The following ARL15 variants were observed in gnomAD, a reference collection of about 807,000 sequenced individuals.
ARL15 encodes the protein ARF like GTPase 15, also known as ADP-ribosylation factor-like protein 15.
A neutral mutation model predicts 25.2 loss-of-function variants in ARL15; 19 were observed. The ratio of observed to expected loss-of-function variants is 0.75; its 90% CI spans 0.53 to 1.10. The LOEUF (loss-of-function observed/expected upper bound fraction) is 1.10, where lower values mean the gene tolerates loss of function less well. Ranked by LOEUF, ARL15 falls within the 50% of genes least tolerant of loss-of-function variation. The probability of loss-of-function intolerance (pLI) is 0.00; values close to 1 mark genes in which losing one functional copy is unlikely to be tolerated. For synonymous variants in ARL15, 94 were observed against 86.8 expected (o/e 1.08, Z -0.46); for missense variants, 220 against 246.0 (o/e 0.89, Z 0.71).
At chr5:53,968,333 C>T (rs1747632167) in intron 4 of ARL15, among the ~76,000 whole-genome samples, 1 of 152,100 alleles carries the variant, frequency 6.6e-6, no homozygotes, top group African/African-American at 2.4e-5. Context: ...TAAGACCTAA[C>T]ATAAAAGCAC....
intron 4 of ARL15, among the ~76,000 whole-genome samples, chr5:53,920,429 G>A (rs1449625452): frequency 1.3e-5 from 2 of 151,994 alleles, no homozygotes; most frequent in Non-Finnish European, 2.9e-5. Flanking sequence ...ATGGGTTCAG[G>A]ATAATTTGCA....
At chr5:53,941,161 C>A (rs577718392) in intron 4 of ARL15, among the ~76,000 whole-genome samples, 60 of 152,260 alleles carry the variant, frequency 3.9e-4, no homozygotes, top group African/African-American at 1.4e-3. Flanking sequence ...TTTTCTCCTT[C>A]TTCCCCTTTC....
intron 2 of ARL15, among the ~76,000 whole-genome samples, chr5:54,157,443 G>A (rs956098530): frequency 1.4e-4 from 21 of 151,830 alleles, no homozygotes; most frequent in Admixed American, 1.2e-3. Flanking sequence ...ATGGAGTCTC[G>A]CTCTGTCACC....
At chr5:54,253,614 C>G (rs898330400) in intron 1 of ARL15, among the ~76,000 whole-genome samples, 1 of 151,280 alleles carries the variant, frequency 6.6e-6, no homozygotes, top group African/African-American at 2.4e-5. Context: ...TTCTTTGAGA[C>G]AGGGTCTCAC....
At chr5:54,195,953 G>A (rs952633997) in intron 1 of ARL15, among the ~76,000 whole-genome samples, 1 of 152,042 alleles carries the variant, frequency 6.6e-6, no homozygotes, top group African/African-American at 2.4e-5. Flanking sequence ...CCAAATAGCA[G>A]AAAAGCTGTA....
At chr5:53,995,895 A>G (rs1748653392) in intron 4 of ARL15, among the ~76,000 whole-genome samples, 1 of 152,216 alleles carries the variant, frequency 6.6e-6, no homozygotes, top group South Asian at 2.1e-4. Flanking sequence ...CTAGCTTAAA[A>G]CAGAAACAAA....
At chr5:54,308,762 GC>G in intron 1 of ARL15, among the ~76,000 whole-genome samples, 1 of 152,244 alleles carries the variant, frequency 6.6e-6, no homozygotes, top group South Asian at 2.1e-4. Context: ...GATAGGTTTG[GC>G]ACCTCAAAGA....
intron 1 of ARL15, among the ~76,000 whole-genome samples, chr5:54,309,162 A>T (rs115217447): frequency 0.013 from 1,987 of 152,372 alleles, 44 homozygotes; most frequent in African/African-American, 0.045. Flanking sequence ...ACAAAGATAA[A>T]GGAAGTTACT....
chr5:54,293,633 C>A (rs1758392653), intron 1 of ARL15, among the ~76,000 whole-genome samples: 1 of 152,186 alleles, frequency 6.6e-6, no homozygotes, highest in Admixed American at 6.5e-5. Context: ...AGTGCATGAA[C>A]CCCTTTCTGT....
intron 1 of ARL15, among the ~76,000 whole-genome samples, chr5:54,288,077 T>C (rs1758225614): frequency 6.7e-6 from 1 of 150,372 alleles, no homozygotes. Flanking sequence ...CAAGAAACTA[T>C]ACAAAAAAGA....
chr5:54,055,882 C>T (rs182334168), intron 4 of ARL15, among the ~76,000 whole-genome samples: 1 of 152,172 alleles, frequency 6.6e-6, no homozygotes, highest in African/African-American at 2.4e-5. Context: ...TCTCCTCCTC[C>T]ACCCACTAGT....
Position 53,886,457 on chromosome 5 carries a change from TAG to T in ARL15, c.*102_*103del. 8.0e-7 allele frequency: 1 copy of T among 1,255,362 alleles called. No individual in the cohort carries two copies. Among genetic ancestry groups the T allele is most frequent in the Non-Finnish European group, 1.1e-6 (1 of 926,392 alleles). The allele number at this position is 1,255,362 out of a possible 1,614,324, so 77.8% of individuals were successfully genotyped here. A position where few individuals can be genotyped will look rare whatever the true frequency, so the allele number is the denominator to read the frequency against. Reference sequence around the variant, plus strand: ...AGAGTCTGAAATGACCAGAGGAAAATAGATACTGAAGCCAATATAGTCTTGAT... The same window carrying T: ...AGAGTCTGAAATGACCAGAGGAAAATATACTGAAGCCAATATAGTCTTGAT... On this transcript the variant is annotated 3_prime_UTR_variant, in exon 5 of 5. Transcript: ENST00000504924.
Position 54,113,278 on chromosome 5 carries a change from T to C in ARL15, c.386A>G (p.His129Arg). 6.2e-7 allele frequency: 1 copy of C among 1,613,976 alleles called. No homozygotes were observed. Among genetic ancestry groups the C allele is most frequent in the Non-Finnish European group, 8.5e-7 (1 of 1,179,876 alleles). Residue 129 changes from histidine to arginine, a missense_variant, in exon 4 of 5, where the codon CAT becomes CGT. Transcript: ENST00000504924. Reference sequence around the variant, plus strand: ...AAAGGGTAAAGTGCATAACTGTGGATGCTGAAGAGCTGAGTGCAGCTCATT... The same window carrying C: ...AAAGGGTAAAGTGCATAACTGTGGACGCTGAAGAGCTGAGTGCAGCTCATT... ...ARNELHSALQ[H>R]PQLCTLPFLI...
chr5:54,134,568 C>CTTTTTTTTTTTTTTTT (rs5867914), intron 3 of ARL15, among the ~76,000 whole-genome samples: 1 of 51,772 alleles, frequency 1.9e-5, no homozygotes, highest in Non-Finnish European at 3.4e-5. Context: ...GAATGATTAG[C>CTTTTTTTTTTTTTTTT]TTTTTTTTTT....
At chr5:53,928,839 C>T (rs376832091) in intron 4 of ARL15, among the ~76,000 whole-genome samples, 77 of 152,128 alleles carry the variant, frequency 5.1e-4, no homozygotes, top group African/African-American at 1.7e-3. Context: ...AAACTCACTG[C>T]GTTAACCAAT....
chr5:54,301,746 AAGAG>A (rs889374804), intron 1 of ARL15, among the ~76,000 whole-genome samples: 23 of 152,142 alleles, frequency 1.5e-4, no homozygotes, highest in African/African-American at 5.1e-4. Context: ...CCCCAAGAGA[AAGAG>A]AGAGAGAGGC....
At position 54,006,051 on chromosome 5, in the gene ARL15, CAAAAAAAAAA is replaced by C. The variant is rs56094450; in HGVS notation, c.462+107141_462+107150del. ...GGCAACAAGAGTGAAATTACATCTC[CAAAAAAAAAA>C]AAAAAAAAAAAAAAGAATGCTTTAT... is the stretch of plus-strand genomic sequence containing the variant. On this transcript the variant is annotated intron_variant, in intron 4 of 4. Transcript: ENST00000504924. Among the ~76,000 whole-genome samples the C allele has an allele frequency of 2.1e-4, 12 of 57,568 alleles. No homozygotes were observed. In the South Asian group the frequency reaches 2.1e-3, roughly 10 times the overall value. The allele number at this position is 57,568 out of a possible 152,430, so 37.8% of individuals were successfully genotyped here.
At chr5:53,976,818 G>A (rs1388377712) in intron 4 of ARL15, among the ~76,000 whole-genome samples, 1 of 152,094 alleles carries the variant, frequency 6.6e-6, no homozygotes, top group African/African-American at 2.4e-5. Context: ...GTATCGCTTA[G>A]TCCTGAAGAA....
chr5:54,181,564 A>C (rs900995292), intron 1 of ARL15, among the ~76,000 whole-genome samples: 1 of 152,198 alleles, frequency 6.6e-6, no homozygotes, highest in Non-Finnish European at 1.5e-5. Flanking sequence ...ATACACAAAC[A>C]CTTTTAACAT....
Sources: gnomAD v4.1 joint callset for allele counts (sites outside exome capture counted in the v4.1 genomes callset) on GRCh38, gnomAD v4.1.1 for gene constraint, MANE v1.5 for transcripts, NCBI Gene and HGNC (gene_info 2026-07-23, HGNC 2026-07-21) for gene names.